Variants in VAV3 observed in about 807,000 individuals in gnomAD.
The protein encoded by VAV3 is guanine nucleotide exchange factor VAV3.
VAV3 carries 94 observed loss-of-function variants against 131.2 expected under a neutral mutation model. That is an observed-to-expected ratio of 0.72 (90% CI 0.61 to 0.85). The LOEUF is 0.85. Among genes scored for constraint, VAV3 ranks in the 40% least tolerant of loss-of-function variants. The probability of loss-of-function intolerance (pLI) is 0.00; values close to 1 mark genes in which losing one functional copy is unlikely to be tolerated. For synonymous variants in VAV3, 349 were observed against 342.0 expected, an observed-to-expected ratio of 1.02 and a Z score of -0.22; for missense variants, 939 against 1,002.7, an observed-to-expected ratio of 0.94 and a Z score of 0.86.
chr1:107,896,381 CA>C (rs1671577785), intron 1 of VAV3, among the ~76,000 whole-genome samples: 2 of 151,638 alleles, frequency 1.3e-5, no homozygotes, highest in South Asian at 2.1e-4. Flanking sequence ...CCTCTTTCAT[CA>C]AATTAATCGC....
chr1:107,584,465 C>G (rs949517866), intron 25 of VAV3, among the ~76,000 whole-genome samples: 75 of 152,212 alleles, frequency 4.9e-4, no homozygotes, highest in African/African-American at 1.8e-3. Context: ...TCAGAGTGAA[C>G]AGGCAACCCA....
chr1:107,754,776 A>G (rs1286217173), intron 12 of VAV3, among the ~76,000 whole-genome samples: 2 of 151,914 alleles, frequency 1.3e-5, no homozygotes, highest in South Asian at 2.1e-4. Flanking sequence ...TTCTTGCCCA[A>G]CTCTGAGCAT....
intron 19 of VAV3, among the ~76,000 whole-genome samples, chr1:107,652,966 A>C (rs1003648361): frequency 2.0e-5 from 3 of 152,052 alleles, no homozygotes; most frequent in Non-Finnish European, 4.4e-5. Flanking sequence ...TTTATGTTAA[A>C]GAAAAACACC....
chr1:107,637,409 G>C (rs1655014821), intron 20 of VAV3, among the ~76,000 whole-genome samples: 1 of 152,128 alleles, frequency 6.6e-6, no homozygotes, highest in Non-Finnish European at 1.5e-5. Context: ...GATCACTTGA[G>C]GTCAGGAGTT....
At chr1:107,859,652 C>T (rs1192073805) in intron 2 of VAV3, among the ~76,000 whole-genome samples, 1 of 152,048 alleles carries the variant, frequency 6.6e-6, no homozygotes, top group East Asian at 1.9e-4. Context: ...TATTCAAACT[C>T]AAAGAGGAGC....
chr1:107,874,197 G>A (rs917614187), intron 2 of VAV3, among the ~76,000 whole-genome samples: 2 of 152,092 alleles, frequency 1.3e-5, no homozygotes, highest in Non-Finnish European at 2.9e-5. Context: ...AGTTACTTGT[G>A]AGAGGTTTAT....
At chr1:107,804,715 C>T (rs1666981303) in intron 2 of VAV3, among the ~76,000 whole-genome samples, 1 of 152,006 alleles carries the variant, frequency 6.6e-6, no homozygotes, top group South Asian at 2.1e-4. Flanking sequence ...GGGCTGTATC[C>T]GAACTTCAGT....
intron 19 of VAV3, among the ~76,000 whole-genome samples, chr1:107,683,007 G>A (rs928781612): frequency 1.3e-5 from 2 of 152,150 alleles, no homozygotes; most frequent in Admixed American, 1.3e-4. Flanking sequence ...CTCCGGAGAG[G>A]AAACTTGTCA....
At chr1:107,922,060 G>T (rs1170486073) in intron 1 of VAV3, among the ~76,000 whole-genome samples, 2 of 152,178 alleles carry the variant, frequency 1.3e-5, no homozygotes. Flanking sequence ...GCATGAATTA[G>T]ATTATGTATC....
chr1:107,787,411 G>A (rs1666067605), intron 2 of VAV3, among the ~76,000 whole-genome samples: 1 of 152,194 alleles, frequency 6.6e-6, no homozygotes, highest in Non-Finnish European at 1.5e-5. Flanking sequence ...AGACTAGTAT[G>A]ACAAGCAACA....
chr1:107,766,535 GAA>G lies in VAV3; in HGVS notation c.731_732del (p.Leu244ProfsTer10), dbSNP rs747632570. ...VFINIPELVK[L>X]HRNLMQEIHD... ...TGAATCTCTTGCATTAGGTTCCGAT[GAA>G]GTTTTACAAGTTCCTAAGAAAAGAA... On this transcript the variant is annotated frameshift_variant, in exon 8 of 27. Transcript: ENST00000370056. LOFTEE classifies it high-confidence loss of function. The G allele has an allele frequency of 3.7e-6, 6 of 1,612,912 alleles. No homozygotes were observed. In the Admixed American group the frequency reaches 8.4e-5, roughly 22 times the overall value.
At chr1:107,639,737 AG>A (rs1362750497) in intron 20 of VAV3, among the ~76,000 whole-genome samples, 3 of 152,128 alleles carry the variant, frequency 2.0e-5, no homozygotes, top group Admixed American at 1.3e-4. Context: ...TGAGGCCAGG[AG>A]TTTGAGAATA....
intron 17 of VAV3, among the ~76,000 whole-genome samples, chr1:107,702,495 A>AC (rs763043056): frequency 2.0e-5 from 3 of 152,138 alleles, no homozygotes; most frequent in Non-Finnish European, 4.4e-5. Context: ...ATTCAAACAG[A>AC]CCAAGACTCC....
chr1:107,683,428 T>C (rs1189692504), intron 19 of VAV3, 60 bp downstream of exon 19: 5 of 1,586,572 alleles, frequency 3.2e-6, no homozygotes, highest in Non-Finnish European at 4.3e-6. Context: ...GCAATTCCCA[T>C]ATCCTTTCAT....
intron 19 of VAV3, among the ~76,000 whole-genome samples, chr1:107,677,137 C>G (rs1658268592): frequency 6.6e-6 from 1 of 152,120 alleles, no homozygotes; most frequent in South Asian, 2.1e-4. Flanking sequence ...CAATATGAGT[C>G]ATTTTGACAG....
At chr1:107,944,060 T>C (rs1674129572) in intron 1 of VAV3, among the ~76,000 whole-genome samples, 1 of 152,218 alleles carries the variant, frequency 6.6e-6, no homozygotes, top group African/African-American at 2.4e-5. Flanking sequence ...TGCCATAAGC[T>C]TCACAGTCTC....
At chr1:107,743,743 T>C (rs1323038475) in intron 15 of VAV3, among the ~76,000 whole-genome samples, 4 of 152,194 alleles carry the variant, frequency 2.6e-5, no homozygotes, top group African/African-American at 9.7e-5. Flanking sequence ...AATATAACTC[T>C]AGATTTGAAA....
intron 15 of VAV3, among the ~76,000 whole-genome samples, chr1:107,729,781 G>C (rs1465849760): frequency 1.3e-5 from 2 of 152,174 alleles, no homozygotes; most frequent in East Asian, 3.8e-4. Context: ...CTGATACAAG[G>C]AAAGATTGGA....
At chr1:107,591,754 GTTTGC>G (rs1424146849) in intron 25 of VAV3, among the ~76,000 whole-genome samples, 1 of 152,110 alleles carries the variant, frequency 6.6e-6, no homozygotes, top group Non-Finnish European at 1.5e-5. Context: ...ATTTTATGAT[GTTTGC>G]TTTATCAATC....
Sources: gnomAD v4.1 joint callset for allele counts (sites outside exome capture counted in the v4.1 genomes callset) on GRCh38, gnomAD v4.1.1 for gene constraint, MANE v1.5 for transcripts, NCBI Gene and HGNC (gene_info 2026-07-23, HGNC 2026-07-21) for gene names.